Variants in EBF2 observed in about 807,000 individuals in gnomAD.
The protein encoded by EBF2 is EBF transcription factor 2.
A neutral mutation model predicts 72.8 loss-of-function variants in EBF2; 21 were observed. The observed-to-expected ratio is 0.29, with a 90% CI of 0.20 to 0.42. The LOEUF (loss-of-function observed/expected upper bound fraction) is 0.42. Among genes scored for constraint, EBF2 ranks in the 10% least tolerant of loss-of-function variants. The probability of loss-of-function intolerance (pLI) is 1.00; values close to 1 mark genes in which losing one functional copy is unlikely to be tolerated. For missense variants in EBF2, 637 were observed against 731.2 expected, an observed-to-expected ratio of 0.87 and a Z score of 1.49; for synonymous variants, 299 against 274.2, an observed-to-expected ratio of 1.09 and a Z score of -0.89.
intron 6 of EBF2, among the ~76,000 whole-genome samples, chr8:25,986,303 C>T (rs1184935921): frequency 6.6e-6 from 1 of 152,084 alleles, no homozygotes; most frequent in African/African-American, 2.4e-5. Context: ...CTTCATGAAG[C>T]TTTCCTGTAC....
intron 10 of EBF2, among the ~76,000 whole-genome samples, chr8:25,872,463 T>C (rs1802456351): frequency 1.3e-5 from 2 of 152,090 alleles, no homozygotes; most frequent in Admixed American, 6.6e-5. Context: ...AGGAGGCCAA[T>C]AAAAGTAGAA....
intron 6 of EBF2, among the ~76,000 whole-genome samples, chr8:26,012,550 A>G (rs1805041846): frequency 6.6e-6 from 1 of 152,196 alleles, no homozygotes; most frequent in Non-Finnish European, 1.5e-5. Context: ...TTATACCAAG[A>G]GCATTTGCAT....
chr8:25,858,178 G>T, intron 14 of EBF2, 141 bp downstream of exon 14: 1 of 1,061,498 alleles, frequency 9.4e-7, no homozygotes, highest in Non-Finnish European at 1.4e-6. Flanking sequence ...ACGAAAGGCA[G>T]GAAGGATGCT....
intron 6 of EBF2, among the ~76,000 whole-genome samples, chr8:25,948,178 T>C (rs1024565817): frequency 6.6e-6 from 1 of 152,186 alleles, no homozygotes; most frequent in Non-Finnish European, 1.5e-5. Flanking sequence ...GTTTCTAAAA[T>C]GACTTGGTTG....
chr8:25,983,357 C>G lies in EBF2; in HGVS notation c.551+49728G>C, dbSNP rs58183702. Among the ~76,000 whole-genome samples the G allele has an allele frequency of 2.9e-3, 441 of 152,208 alleles. 2 individuals are homozygous for G. The highest frequency in any genetic ancestry group is 0.01 in the African/African-American group (425 of 41,534). On this transcript the variant is annotated intron_variant, in intron 6 of 15. Coordinates refer to ENST00000520164, the MANE Select transcript of EBF2 (RefSeq NM_022659.4). ...AAAGACGGAAGGGGACACACAAAAG[C>G]GAAAGTAATGATGCAAAAGGGCTGA...
chr8:26,041,671 C>G (rs1476904925), intron 2 of EBF2, among the ~76,000 whole-genome samples: 1 of 152,224 alleles, frequency 6.6e-6, no homozygotes, highest in African/African-American at 2.4e-5. Flanking sequence ...AGAGAAGACA[C>G]GGCCAGAAGG....
intron 7 of EBF2, among the ~76,000 whole-genome samples, chr8:25,907,419 CAAAAAAAAAAAAAAAAAA>C (rs55695734): frequency 1.7e-3 from 48 of 28,904 alleles, no homozygotes; most frequent in African/African-American, 3.8e-3. Context: ...GACCCTGCCT[CAAAAAAAAAAAAAAAAAA>C]AAAAAAAAAA....
In EBF2 at chr8:25,889,801, A is replaced by G; in HGVS notation, c.702T>C (p.His234=). Residue 234 remains histidine (H), a synonymous_variant, in exon 8 of 16, where the codon CAT becomes CAC. Coordinates refer to ENST00000520164, the MANE Select transcript of EBF2 (RefSeq NM_022659.4). ...CTCTCCGTCCATGCTTGGAGTTGTT[A>G]TGAACAAACATGTTGTCAGAAACAG... ...VLAVSDNMFV[H]NNSKHGRRAR... is the part of the protein sequence containing the mutation. The G allele has an allele frequency of 6.2e-7, 1 of 1,614,028 alleles. No homozygotes were observed. The highest frequency in any genetic ancestry group is 1.3e-5 in the African/African-American group (1 of 75,030).
intron 15 of EBF2, among the ~76,000 whole-genome samples, chr8:25,847,206 T>C (rs1445063290): frequency 6.6e-6 from 1 of 152,036 alleles, no homozygotes; most frequent in African/African-American, 2.4e-5. Context: ...CCTCAAAGAG[T>C]GTGGGCAGCA....
rs986456277 is a variant in EBF2 at position 26,045,141 on chromosome 8, G to A, written c.-282C>T. 6.9e-6 allele frequency: 2 copies of A among 290,006 alleles called. No individual in the cohort carries two copies. Among genetic ancestry groups the A allele is most frequent in the Non-Finnish European group, 1.3e-5 (2 of 151,204 alleles). 18.0% of individuals were successfully genotyped at this position (290,006 alleles called of 1,614,324 possible). A position where few individuals can be genotyped will look rare whatever the true frequency, so the allele number is the denominator to read the frequency against. ...GGTCGCTCGCATCCTTCCAGCTGCA[G>A]TGCTGCCTCCTGAAAGTGATCACAA... On this transcript the variant is annotated 5_prime_UTR_variant, in exon 1 of 16. Transcript: ENST00000520164.
intron 6 of EBF2, among the ~76,000 whole-genome samples, chr8:25,999,474 A>T (rs1804686510): frequency 6.6e-6 from 1 of 152,150 alleles, no homozygotes. Context: ...TACCTCCCTC[A>T]AAGAGAACTT....
chr8:25,925,062 G>A (rs150767066), intron 6 of EBF2, among the ~76,000 whole-genome samples: 15 of 152,220 alleles, frequency 9.9e-5, no homozygotes, highest in African/African-American at 3.4e-4. Flanking sequence ...AGCCAGTGCT[G>A]TTCTCACAGC....
chr8:26,029,218 G>A (rs1344721352), intron 6 of EBF2, among the ~76,000 whole-genome samples: 1 of 152,078 alleles, frequency 6.6e-6, no homozygotes, highest in Non-Finnish European at 1.5e-5. Context: ...AGAAACAGAA[G>A]ATCTGCTGGG....
chr8:25,874,176 G>GA (rs370537979), intron 10 of EBF2, among the ~76,000 whole-genome samples: 2 of 151,674 alleles, frequency 1.3e-5, no homozygotes, highest in African/African-American at 4.8e-5. Context: ...GCTATATGGG[G>GA]AAAAAAAATG....
chr8:25,865,917 C>A (rs572421824), intron 10 of EBF2, among the ~76,000 whole-genome samples: 1 of 151,412 alleles, frequency 6.6e-6, no homozygotes, highest in Non-Finnish European at 1.5e-5. Context: ...CCCAGCTACT[C>A]GGGAGGCTGA....
At chr8:25,844,665 A>C in intron 15 of EBF2, 25 bp from the exon 16 acceptor site, 1 of 1,613,850 alleles carries the variant, frequency 6.2e-7, no homozygotes, top group Non-Finnish European at 8.5e-7. Flanking sequence ...TGGCACAGGA[A>C]TGAGACTTGG....
At chr8:25,948,037 C>G (rs1563410231) in intron 6 of EBF2, among the ~76,000 whole-genome samples, 1 of 152,172 alleles carries the variant, frequency 6.6e-6, no homozygotes, top group Non-Finnish European at 1.5e-5. Context: ...ACGCACGATG[C>G]CAGAAGTTTC....
chr8:26,045,345 G>C lies in EBF2; in HGVS notation c.-486C>G, dbSNP rs566749542. 8 of 152,472 alleles carry C rather than the reference G, an allele frequency of 5.2e-5. No homozygotes were observed. The highest frequency in any genetic ancestry group is 1.7e-4 in the African/African-American group (7 of 41,580). The allele number at this position is 152,472 out of a possible 1,614,324, so 9.4% of individuals were successfully genotyped here. ...GAAGACCTGGAGCCGAGAGGAGGCG[G>C]TGGCTGCGAGCGCCACGGAGCCCGG... On this transcript the variant is annotated 5_prime_UTR_variant, in exon 1 of 16. Transcript: ENST00000520164.
chr8:25,950,664 G>T (rs774139590), intron 6 of EBF2, among the ~76,000 whole-genome samples: 18 of 152,228 alleles, frequency 1.2e-4, no homozygotes, highest in Non-Finnish European at 1.6e-4. Flanking sequence ...ATGGGTTAAA[G>T]TCTGTTAAAC....
Sources: gnomAD v4.1 joint callset for allele counts (sites outside exome capture counted in the v4.1 genomes callset) on GRCh38, gnomAD v4.1.1 for gene constraint, MANE v1.5 for transcripts, NCBI Gene and HGNC (gene_info 2026-07-23, HGNC 2026-07-21) for gene names.